AFG3L2: variants seen among roughly 807,000 people sequenced by gnomAD.
The protein encoded by AFG3L2 is mitochondrial inner membrane m-AAA protease component AFG3L2.
AFG3L2 carries 54 observed loss-of-function variants against 94.5 expected under a neutral mutation model. The ratio of observed to expected loss-of-function variants is 0.57; its 90% CI spans 0.46 to 0.72. AFG3L2 has a LOEUF of 0.72. Among genes scored for constraint, AFG3L2 ranks in the 30% least tolerant of loss-of-function variants. The pLI, the probability that AFG3L2 is intolerant of heterozygous loss-of-function variation, is 0.00. For missense variants in AFG3L2, 754 were observed against 994.9 expected (o/e 0.76, Z 3.26); for synonymous variants, 377 against 365.5 (o/e 1.03, Z -0.36).
rs953108224 is a variant in AFG3L2, at chr18:12,360,684, C to T, written c.628-633G>A. Among the ~76,000 whole-genome samples, 3 of 152,150 alleles carry T rather than the reference C, an allele frequency of 2.0e-5. No individual in the cohort carries two copies. In the South Asian group the frequency reaches 6.2e-4, roughly 32 times the overall value. On this transcript the variant is annotated intron_variant, in intron 6 of 16. Transcript: ENST00000269143. The stretch of plus-strand genomic sequence containing the variant: ...GCCCAGCACAGGGACACCTCAGGGG[C>T]CAGGTCAAGGCTATTCTACCAATCA...
rs764929368 is a variant in AFG3L2, at chr18:12,340,372, T to C, written c.1809A>G (p.Leu603=). Residue 603 remains leucine (L), a synonymous_variant, in exon 15 of 17, where the codon CTA becomes CTG. Coordinates refer to ENST00000269143, the MANE Select transcript of AFG3L2 (RefSeq NM_006796.3). ...CTTTTGGTAAATACTGAGCATAACC[T>C]AGTCCTTTGCCACGTGGGATGATGG... ...KVSIIPRGKG[L]GYAQYLPKEQ... is the part of the protein sequence containing the mutation. 8.1e-6 allele frequency: 13 copies of C among 1,614,146 alleles called. No homozygotes were observed. The South Asian group carries it at 1.4e-4, about 18-fold the overall frequency.
At chr18:12,333,854 A>T (rs1907662791) in intron 16 of AFG3L2, among the ~76,000 whole-genome samples, 1 of 152,172 alleles carries the variant, frequency 6.6e-6, no homozygotes, top group Non-Finnish European at 1.5e-5. Flanking sequence ...GGAGAGGGGA[A>T]CGACCAGGGC....
At position 12,356,678 on chromosome 18, in the gene AFG3L2, A is replaced by C; in HGVS notation, c.1164+16T>G. 1 of 1,614,048 alleles carries C rather than the reference A, an allele frequency of 6.2e-7. No individual in the cohort carries two copies. The highest frequency in any genetic ancestry group is 8.5e-7 in the Non-Finnish European group (1 of 1,179,980). ...GGTGCAAGGAAGCTGTACCATCCGAACAGAATGAGACTCACTCTAGCAGGG... is the reference window on the plus strand; with the variant it reads ...GGTGCAAGGAAGCTGTACCATCCGACCAGAATGAGACTCACTCTAGCAGGG... On this transcript the variant is annotated intron_variant, in intron 9 of 16. Transcript: ENST00000269143.
Position 12,337,207 on chromosome 18 carries a change from C to A in AFG3L2, c.2175+134G>T, listed in dbSNP as rs755130327. The A allele has an allele frequency of 3.7e-6, 3 of 804,852 alleles. No homozygotes were observed. In the African/African-American group the frequency reaches 5.1e-5, roughly 14 times the overall value. The allele number at this position is 804,852 out of a possible 1,614,324, so 49.9% of individuals were successfully genotyped here. A position where few individuals can be genotyped will look rare whatever the true frequency, so the allele number is the denominator to read the frequency against. Reference sequence around the variant, plus strand: ...GAAGACAGAGCAGACAACGAAACATCAGAACGAACGGACCCATGGGTGAGC... The same window carrying A: ...GAAGACAGAGCAGACAACGAAACATAAGAACGAACGGACCCATGGGTGAGC... On this transcript the variant is annotated intron_variant, in intron 16 of 16. Transcript: ENST00000269143.
intron 2 of AFG3L2, 28 bp downstream of exon 2, chr18:12,371,560 GTAGA>G (rs1166157545): frequency 6.3e-7 from 1 of 1,585,168 alleles, no homozygotes; most frequent in African/African-American, 1.3e-5. Flanking sequence ...ACCTAAGAAT[GTAGA>G]ACACTACAGC....
intron 1 of AFG3L2, among the ~76,000 whole-genome samples, chr18:12,374,459 A>G (rs1386155716): frequency 2.0e-5 from 3 of 152,162 alleles, no homozygotes; most frequent in Middle Eastern, 3.2e-3. Context: ...GCAGGAACAT[A>G]AAGGAAAACC....
At chr18:12,366,155 C>G (rs142967231) in intron 5 of AFG3L2, among the ~76,000 whole-genome samples, 1 of 152,054 alleles carries the variant, frequency 6.6e-6, no homozygotes, top group African/African-American at 2.4e-5. Flanking sequence ...GGATTACAGG[C>G]GTGACCCACT....
In AFG3L2 at chr18:12,370,886, T is replaced by C; in HGVS notation, c.255A>G (p.Lys85=). 1.3e-6 allele frequency: 2 copies of C among 1,577,466 alleles called. No individual in the cohort carries two copies. The highest frequency in any genetic ancestry group is 8.7e-7 in the Non-Finnish European group (1 of 1,150,688). The stretch of plus-strand genomic sequence containing the variant: ...CCATAACTTCTTTAGGTTCACTAGC[T>C]TTTTTTCCATTTTTTCCATTAGGAA... ...KYFPNGKNGK[K]ASEPKEVMGE... The change falls in exon 3 of 17, where the codon AAA becomes AAG. Residue 85 remains lysine, a synonymous_variant. Coordinates refer to ENST00000269143, the MANE Select transcript of AFG3L2 (RefSeq NM_006796.3).
chr18:12,353,457 T>C (rs541145392), intron 9 of AFG3L2, among the ~76,000 whole-genome samples: 2 of 136,624 alleles, frequency 1.5e-5, no homozygotes, highest in East Asian at 4.2e-4. Flanking sequence ...GAGGTTGCAG[T>C]GAGCTGAGAC....
At chr18:12,331,536 C>T (rs1049746707) in intron 16 of AFG3L2, among the ~76,000 whole-genome samples, 2 of 152,172 alleles carry the variant, frequency 1.3e-5, no homozygotes, top group African/African-American at 4.8e-5. Context: ...CGCGCAATGG[C>T]TCACGCCTGT....
In AFG3L2 at chr18:12,348,079, C is replaced by T. The variant is rs569846020; in HGVS notation, c.1663+194G>A. 3.9e-5 allele frequency among the ~76,000 whole-genome samples: 6 copies of T among 152,164 alleles called. No homozygotes were observed. In the South Asian group the frequency reaches 8.3e-4, roughly 21 times the overall value. On this transcript the variant is annotated intron_variant, in intron 13 of 16. Coordinates refer to ENST00000269143, the MANE Select transcript of AFG3L2 (RefSeq NM_006796.3). ...CATGCAGAGGGCAGGTGGCAGGGGA[C>T]GGTGGCAGGAAGAAGGAGGAGAGGG...
chr18:12,348,141 C>T, intron 13 of AFG3L2, 132 bp downstream of exon 13: 3 of 759,426 alleles, frequency 4.0e-6, no homozygotes, highest in Non-Finnish European at 6.8e-6. Flanking sequence ...ACCAAGAGAG[C>T]ACAAATGTGG....
intron 13 of AFG3L2, among the ~76,000 whole-genome samples, chr18:12,344,472 C>G (rs201885423): frequency 1.3e-5 from 2 of 151,880 alleles, no homozygotes; most frequent in Non-Finnish European, 2.9e-5. Context: ...GTGAGGAGTT[C>G]GAGACCAGCC....
intron 12 of AFG3L2, among the ~76,000 whole-genome samples, chr18:12,350,497 A>G (rs1010801548): frequency 1.3e-5 from 2 of 152,226 alleles, no homozygotes; most frequent in Non-Finnish European, 2.9e-5. Context: ...ATTTTTCACA[A>G]AATACTCCCG....
intron 6 of AFG3L2, 32 bp downstream of exon 6, chr18:12,363,750 A>G (rs1448144410): frequency 1.3e-6 from 2 of 1,554,476 alleles, no homozygotes; most frequent in East Asian, 2.2e-5. Flanking sequence ...TTAATTTACA[A>G]CTAATTCACA....
intron 6 of AFG3L2, among the ~76,000 whole-genome samples, chr18:12,361,815 T>C (rs1165000688): frequency 6.6e-6 from 1 of 152,230 alleles, no homozygotes; most frequent in Non-Finnish European, 1.5e-5. Flanking sequence ...CAGTATTTGG[T>C]AAATTATTCA....
At chr18:12,356,969 A>G (rs1253438600) in intron 8 of AFG3L2, 138 bp from the exon 9 acceptor site, 1 of 842,076 alleles carries the variant, frequency 1.2e-6, no homozygotes, top group Non-Finnish European at 1.8e-6. Flanking sequence ...CATCTGAGCT[A>G]TGGTAGAACA....
rs1018433556 is a variant in AFG3L2 at position 12,329,007 on chromosome 18, T to C, written c.*558A>G. 8 of 613,278 alleles carry C rather than the reference T, an allele frequency of 1.3e-5. No individual in the cohort carries two copies. Among genetic ancestry groups the C allele is most frequent in the Non-Finnish European group, 2.0e-5 (7 of 344,392 alleles). 38.0% of individuals were successfully genotyped at this position (613,278 alleles called of 1,614,324 possible). A position where few individuals can be genotyped will look rare whatever the true frequency, so the allele number is the denominator to read the frequency against. ...ATGTAAAGAAGCCATATTTACATAA[T>C]ACATTCATATTTTTAAGTATGTTAC... On this transcript the variant is annotated 3_prime_UTR_variant, in exon 17 of 17. Coordinates refer to ENST00000269143, the MANE Select transcript of AFG3L2 (RefSeq NM_006796.3).
intron 14 of AFG3L2, chr18:12,341,492 T>C (rs1336773471): frequency 6.6e-6 from 1 of 152,196 alleles, no homozygotes; most frequent in Admixed American, 6.5e-5. Context: ...ATGGATTAGT[T>C]TAGCTTCTAG....
Sources: gnomAD v4.1 joint callset for allele counts (sites outside exome capture counted in the v4.1 genomes callset) on GRCh38, gnomAD v4.1.1 for gene constraint, MANE v1.5 for transcripts, NCBI Gene and HGNC (gene_info 2026-07-23, HGNC 2026-07-21) for gene names.